TUSC3: variants seen among roughly 807,000 people sequenced by gnomAD.
TUSC3 encodes tumor suppressor candidate 3, also known as dolichyl-diphosphooligosaccharide--protein glycosyltransferase subunit TUSC3.
TUSC3 carries 45 observed loss-of-function variants against 44.8 expected under a neutral mutation model. That is an observed-to-expected ratio of 1.00 (90% CI 0.79 to 1.29). The LOEUF is 1.29. Among genes scored for constraint, TUSC3 ranks in the 50% most tolerant of loss-of-function variants. The probability of loss-of-function intolerance (pLI) is 0.00; values close to 1 mark genes in which losing one functional copy is unlikely to be tolerated. For missense variants in TUSC3, 519 were observed against 437.9 expected, an observed-to-expected ratio of 1.19 and a Z score of -1.65; for synonymous variants, 212 against 152.9, an observed-to-expected ratio of 1.39 and a Z score of -2.85.
the TUSC3 span, among the ~76,000 whole-genome samples, chr8:15,774,254 GT>G: frequency 6.7e-6 from 1 of 149,540 alleles, no homozygotes; most frequent in African/African-American, 2.5e-5. Context: ...AAAAAGATAA[GT>G]TGAAGTCCTG....
intron 10 of TUSC3, among the ~76,000 whole-genome samples, chr8:15,763,513 A>G (rs922212290): frequency 6.6e-6 from 1 of 151,952 alleles, no homozygotes; most frequent in Non-Finnish European, 1.5e-5. Context: ...TTGTGTTGTC[A>G]AGACTCAAAA....
chr8:15,582,707 G>C (rs1489401396), intron 1 of TUSC3, among the ~76,000 whole-genome samples: 1 of 152,166 alleles, frequency 6.6e-6, no homozygotes, highest in East Asian at 1.9e-4. Flanking sequence ...GCCTGCTGCT[G>C]AAACTGCCTG....
the TUSC3 span, among the ~76,000 whole-genome samples, chr8:15,838,161 C>T: frequency 1.3e-5 from 2 of 152,290 alleles, no homozygotes; most frequent in South Asian, 2.1e-4. Context: ...CTGAAAATAT[C>T]TTCCTAGCCT....
chr8:15,757,912 G>GTA, intron 10 of TUSC3, 57 bp downstream of exon 10: 1 of 1,453,154 alleles, frequency 6.9e-7, no homozygotes, highest in Non-Finnish European at 9.6e-7. Context: ...AATATAGAGA[G>GTA]TATAACATTT....
At chr8:15,423,438 G>A (rs182764558) in intron 1 of TUSC3, among the ~76,000 whole-genome samples, 23 of 152,258 alleles carry the variant, frequency 1.5e-4, no homozygotes, top group Admixed American at 9.2e-4. Context: ...TAAGTCTGTC[G>A]TAAGTTCAGC....
intron 1 of TUSC3, among the ~76,000 whole-genome samples, chr8:15,438,766 A>G (rs1437735660): frequency 6.6e-6 from 1 of 152,190 alleles, no homozygotes; most frequent in Admixed American, 6.5e-5. Flanking sequence ...TGAAAAATAT[A>G]TTGGGTAAAT....
intron 1 of TUSC3, among the ~76,000 whole-genome samples, chr8:15,607,492 T>C (rs558479835): frequency 2.0e-5 from 3 of 152,276 alleles, no homozygotes; most frequent in Non-Finnish European, 4.4e-5. Flanking sequence ...AAAAATTTTA[T>C]TGAAACATGT....
chr8:15,444,915 G>A (rs1457504067), intron 1 of TUSC3, among the ~76,000 whole-genome samples: 1 of 152,152 alleles, frequency 6.6e-6, no homozygotes, highest in Admixed American at 6.5e-5. Context: ...TGGAAGGGAG[G>A]TAAGAGCAGA....
In TUSC3 at chr8:15,443,796, G is replaced by C. The variant is rs532787576; in HGVS notation, n.91+26491G>C. On this transcript the variant is annotated intron_variant and non_coding_transcript_variant, in intron 1 of 5. Coordinates refer to the TUSC3 transcript ENST00000503191. ...CCCTCCCTAAGCTGCTCCAGGATTA[G>C]TGCTTAAGATACTTTGCAGACCCTG... Among the ~76,000 whole-genome samples the C allele has an allele frequency of 1.1e-4, 16 of 152,282 alleles. No homozygotes were observed. The South Asian group carries it at 3.3e-3, about 32-fold the overall frequency.
chr8:15,795,434 G>T, the TUSC3 span, among the ~76,000 whole-genome samples: 1 of 152,158 alleles, frequency 6.6e-6, no homozygotes, highest in Non-Finnish European at 1.5e-5. Flanking sequence ...CTAATTGGAG[G>T]ACTTCCAATG....
chr8:15,681,305 G>A (rs1013273614), intron 6 of TUSC3, among the ~76,000 whole-genome samples: 7 of 151,514 alleles, frequency 4.6e-5, no homozygotes, highest in African/African-American at 1.7e-4. Context: ...CTGGTCCAGG[G>A]CTTTTTTTGG....
At chr8:15,636,712 A>G (rs777684946) in intron 2 of TUSC3, among the ~76,000 whole-genome samples, 13 of 152,208 alleles carry the variant, frequency 8.5e-5, no homozygotes, top group African/African-American at 1.4e-4. Flanking sequence ...TTCAGAGGAC[A>G]CTGGTTTGTG....
chr8:15,673,795 G>T lies in TUSC3; in HGVS notation c.757G>T (p.Gly253Ter). ...TGGCCAGATGTGGAACCATATCCGT[G>T]GACCTCCATATGCTCATAAGAACCC... is the stretch of plus-strand genomic sequence containing the variant. ...TSGQMWNHIR[G>*]PPYAHKNPHN... Residue 253 changes from glycine to a stop codon, truncating the protein, a stop_gained, in exon 6 of 11, where the codon GGA (glycine) becomes TGA (stop). Transcript: ENST00000503731. LOFTEE classifies it high-confidence loss of function. The T allele has an allele frequency of 6.2e-7, 1 of 1,612,724 alleles. No homozygotes were observed. Among genetic ancestry groups the T allele is most frequent in the Admixed American group, 1.7e-5 (1 of 59,904 alleles).
chr8:15,644,795 T>G (rs1806554586), intron 2 of TUSC3, among the ~76,000 whole-genome samples: 1 of 152,102 alleles, frequency 6.6e-6, no homozygotes, highest in African/African-American at 2.4e-5. Flanking sequence ...ACAGATCTGT[T>G]TACTGACCCT....
chr8:15,782,925 G>C, the TUSC3 span, among the ~76,000 whole-genome samples: 1 of 152,194 alleles, frequency 6.6e-6, no homozygotes, highest in East Asian at 1.9e-4. Flanking sequence ...AAAAGGAAGA[G>C]CGAATTGTGT....
At chr8:15,685,954 A>G (rs1397669389) in intron 6 of TUSC3, among the ~76,000 whole-genome samples, 17 of 152,110 alleles carry the variant, frequency 1.1e-4, no homozygotes. Flanking sequence ...ACCTGAAGAT[A>G]TTGACAAAGT....
the TUSC3 span, among the ~76,000 whole-genome samples, chr8:15,843,621 T>TATATATATACACACACAC: frequency 9.6e-4 from 141 of 146,762 alleles, 1 homozygote; most frequent in African/African-American, 3.2e-3. Flanking sequence ...TATATATATA[T>TATATATATACACACACAC]ACACGCACAT....
At chr8:15,438,158 A>C (rs771708208) in intron 1 of TUSC3, among the ~76,000 whole-genome samples, 9 of 152,130 alleles carry the variant, frequency 5.9e-5, no homozygotes, top group Non-Finnish European at 7.3e-5. Flanking sequence ...GCAATGGCAC[A>C]GTCTCGGCTC....
intron 1 of TUSC3, among the ~76,000 whole-genome samples, chr8:15,562,849 G>C (rs955454131): frequency 6.6e-6 from 1 of 152,090 alleles, no homozygotes; most frequent in Non-Finnish European, 1.5e-5. Flanking sequence ...ATGTTTTCCT[G>C]ATTAGGTGAG....
Sources: allele counts gnomAD v4.1 joint callset (sites outside exome capture counted in the v4.1 genomes callset), GRCh38; gene constraint gnomAD v4.1.1; transcripts MANE v1.5; gene names NCBI Gene and HGNC (gene_info 2026-07-23, HGNC 2026-07-21).